The following ALDH3A1 variants were observed in gnomAD, a reference collection of about 807,000 sequenced individuals.
ALDH3A1 encodes the protein aldehyde dehydrogenase, dimeric NADP-preferring.
Under a neutral mutation model 49.9 loss-of-function variants are expected in ALDH3A1, and 46 were observed. That is an observed-to-expected ratio of 0.92 (90% CI 0.73 to 1.18). The LOEUF is 1.18. ALDH3A1 is among the 50% of genes most tolerant of loss of function. The probability of loss-of-function intolerance (pLI) is 0.00; values close to 1 mark genes in which losing one functional copy is unlikely to be tolerated. For synonymous variants in ALDH3A1, 269 were observed against 253.3 expected (o/e 1.06, Z -0.59); for missense variants, 592 against 611.8 (o/e 0.97, Z 0.34).
intron 8 of ALDH3A1, 110 bp downstream of exon 8, chr17:19,739,398 C>G (rs373400343): frequency 7.7e-7 from 1 of 1,301,264 alleles, no homozygotes; most frequent in Non-Finnish European, 1.1e-6. Flanking sequence ...TCAGAAAGAT[C>G]CAGTGACTTG....
At position 19,742,562 on chromosome 17, in the gene ALDH3A1, G is replaced by A. The variant is rs1343036554; in HGVS notation, c.463C>T (p.Pro155Ser). ...NMASLLATII[P>S]QYLDKDLYPV... is the part of the protein sequence containing the mutation. The stretch of plus-strand genomic sequence containing the variant: ...CAACTCACCTTGTCCAGGTACTGGG[G>A]GATGATGGTAGCCAGCAGGCTCGCC... Residue 155 changes from proline (P) to serine (S), a missense_variant, in exon 4 of 11, where the codon CCC (proline) becomes TCC (serine). Transcript: ENST00000225740. 3.7e-6 allele frequency: 6 copies of A among 1,613,772 alleles called. No homozygotes were observed. Among genetic ancestry groups the A allele is most frequent in the Admixed American group, 3.3e-5 (2 of 60,012 alleles).
chr17:19,744,900 A>ACCCCCCCCCCCCC lies in ALDH3A1; in HGVS notation c.162+67_162+68insGGGGGGGGGGGGG. On this transcript the variant is annotated intron_variant, in intron 2 of 10. Coordinates refer to ENST00000225740, the MANE Select transcript of ALDH3A1 (RefSeq NM_000691.5). ...AACCTCTCTGGGTCGCACTCTCCCC[A>ACCCCCCCCCCCCC]GCCCCTCCCCCCACGCCCCATCGCA... 1.8e-5 allele frequency: 5 copies of ACCCCCCCCCCCCC among 270,616 alleles called. 1 individual carries two copies. Among genetic ancestry groups the ACCCCCCCCCCCCC allele is most frequent in the South Asian group, 1.3e-4 (3 of 22,258 alleles). 16.8% of individuals were successfully genotyped at this position (270,616 alleles called of 1,614,324 possible).
chr17:19,739,692 C>T lies in ALDH3A1; in HGVS notation c.950-18G>A, dbSNP rs1042244249. 3 of 1,612,838 alleles carry T rather than the reference C, an allele frequency of 1.9e-6. No homozygotes were observed. Among genetic ancestry groups the T allele is most frequent in the African/African-American group, 2.7e-5 (2 of 75,008 alleles). On this transcript the variant is annotated intron_variant, in intron 7 of 10. Coordinates refer to ENST00000225740, the MANE Select transcript of ALDH3A1 (RefSeq NM_000691.5). The stretch of plus-strand genomic sequence containing the variant: ...GGTGGGGGCTGAGGCAGGAAACAAG[C>T]CAGAGTTGGACGGCGCAGAGACCCC...
At position 19,741,167 on chromosome 17, in the gene ALDH3A1, C is replaced by T. The variant is rs576269061; in HGVS notation, c.733G>A (p.Val245Met). The change falls in exon 6 of 11, where the codon GTG becomes ATG. Residue 245 changes from valine to methionine, a missense_variant. Coordinates refer to ENST00000225740, the MANE Select transcript of ALDH3A1 (RefSeq NM_000691.5). The part of the protein sequence containing the change: ...GKFMNSGQTC[V>M]APDYILCDPS... ...TCACAGAGGATGTAGTCAGGGGCCA[C>T]GCAGGTCTGGCCACTGTTCATGAAT... is the stretch of plus-strand genomic sequence containing the variant. 66 of 1,614,040 alleles carry T rather than the reference C, an allele frequency of 4.1e-5. No individual in the cohort carries two copies. The highest frequency in any genetic ancestry group is 6.7e-5 in the African/African-American group (5 of 75,038).
chr17:19,742,643 C>T lies in ALDH3A1; in HGVS notation c.395-13G>A, dbSNP rs370024697. The T allele has an allele frequency of 1.2e-6, 2 of 1,613,724 alleles. No individual in the cohort carries two copies. The highest frequency in any genetic ancestry group is 2.7e-5 in the African/African-American group (2 of 74,936). On this transcript the variant is annotated splice_polypyrimidine_tract_variant and intron_variant, in intron 3 of 10. Coordinates refer to ENST00000225740, the MANE Select transcript of ALDH3A1 (RefSeq NM_000691.5). ...ACCACTGAGTTCCCTGCAGAGCACA[C>T]CGAGCCAGGCCTATGCCCAGGGTAC...
Position 19,744,998 on chromosome 17 carries a change from C to A in ALDH3A1, c.132G>T (p.Leu44=). ...GCAGGTCTGCGGCCAGCGCGCCCACCAGCTCCTGCTCCTGCTCCTGGATCA... is the reference window on the plus strand; with the variant it reads ...GCAGGTCTGCGGCCAGCGCGCCCACAAGCTCCTGCTCCTGCTCCTGGATCA... ...QRLIQEQEQE[L]VGALAADLHK... is the part of the protein sequence containing the mutation. Residue 44 remains leucine (L), a synonymous_variant, in exon 2 of 11, where the codon CTG becomes CTT. Transcript: ENST00000225740. 1.3e-6 allele frequency: 2 copies of A among 1,588,720 alleles called. No homozygotes were observed. The highest frequency in any genetic ancestry group is 1.7e-6 in the Non-Finnish European group (2 of 1,175,952).
chr17:19,741,024 G>GTC, intron 6 of ALDH3A1, 69 bp downstream of exon 6: 1 of 1,192,278 alleles, frequency 8.4e-7, no homozygotes, highest in Non-Finnish European at 1.2e-6. Flanking sequence ...GTAGAAGTTG[G>GTC]TTAAGGGGCC....
Position 19,744,982 on chromosome 17 carries a change from C to T in ALDH3A1, c.148G>A (p.Ala50Thr). ...QEQELVGALA[A>T]DLHKNEWNAY... is the part of the protein sequence containing the mutation. Reference sequence around the variant, plus strand: ...AGCCTGAGCACCTTGTGCAGGTCTGCGGCCAGCGCGCCCACCAGCTCCTGC... The same window carrying T: ...AGCCTGAGCACCTTGTGCAGGTCTGTGGCCAGCGCGCCCACCAGCTCCTGC... The change falls in exon 2 of 11, where the codon GCA becomes ACA. Residue 50 changes from alanine to threonine, a missense_variant. Physicochemically the swap from Ala to Thr is moderately conservative, Grantham distance 58. Coordinates refer to ENST00000225740, the MANE Select transcript of ALDH3A1 (RefSeq NM_000691.5). 1 of 1,459,518 alleles carries T rather than the reference C, an allele frequency of 6.9e-7. No homozygotes were observed. Among genetic ancestry groups the T allele is most frequent in the African/African-American group, 1.5e-5 (1 of 68,606 alleles). The allele number at this position is 1,459,518 out of a possible 1,614,324, so 90.4% of individuals were successfully genotyped here.
Position 19,742,783 on chromosome 17 carries a change from A to T in ALDH3A1, c.395-153T>A, listed in dbSNP as rs375698521. 128 of 1,537,198 alleles carry T rather than the reference A, an allele frequency of 8.3e-5. 2 individuals are homozygous for T. In the South Asian group the frequency reaches 1.2e-3, roughly 14 times the overall value. On this transcript the variant is annotated intron_variant, in intron 3 of 10. Coordinates refer to ENST00000225740, the MANE Select transcript of ALDH3A1 (RefSeq NM_000691.5). Reference sequence around the variant, plus strand: ...CAAACAAGCACATGTCACGGGGCACACCCAGGAGCACGCACGGGCACATGA... The same window carrying T: ...CAAACAAGCACATGTCACGGGGCACTCCCAGGAGCACGCACGGGCACATGA...
chr17:19,741,213 G>A lies in ALDH3A1; in HGVS notation c.690-3C>T. On this transcript the variant is annotated splice_region_variant and splice_polypyrimidine_tract_variant and intron_variant, in intron 5 of 10. Coordinates refer to ENST00000225740, the MANE Select transcript of ALDH3A1 (RefSeq NM_000691.5). Reference sequence around the variant, plus strand: ...TGAATTTCCCCCAGGCGATGCGTCTGTGAGAATCCCAGACTGGACTAAATC... The same window carrying A: ...TGAATTTCCCCCAGGCGATGCGTCTATGAGAATCCCAGACTGGACTAAATC... 1.9e-6 allele frequency: 3 copies of A among 1,613,074 alleles called. No individual in the cohort carries two copies. The highest frequency in any genetic ancestry group is 2.2e-5 in the East Asian group (1 of 44,866).
chr17:19,745,218 C>T, intron 1 of ALDH3A1, 84 bp from the exon 2 acceptor site: 1 of 1,382,042 alleles, frequency 7.2e-7, no homozygotes, highest in Non-Finnish European at 9.6e-7. Flanking sequence ...TAGGAAGGGA[C>T]TTCCCTGGGC....
chr17:19,741,489 C>T (rs982497747), intron 5 of ALDH3A1: 1 of 396,060 alleles, frequency 2.5e-6, no homozygotes, highest in Admixed American at 3.8e-5. Context: ...AGCCAGGTGT[C>T]ACTGCTACTC....
At chr17:19,742,346 TA>T (rs1347634278) in intron 4 of ALDH3A1, 134 bp from the exon 5 acceptor site, 15 of 1,131,076 alleles carry the variant, frequency 1.3e-5, no homozygotes, top group Non-Finnish European at 1.4e-5. Context: ...GGGGTAGCAG[TA>T]ACTGGCAGTA....
In ALDH3A1 at chr17:19,745,134, C is replaced by T. The variant is rs767114108; in HGVS notation, c.-5G>A. 4 of 1,570,424 alleles carry T rather than the reference C, an allele frequency of 2.5e-6. No homozygotes were observed. The highest frequency in any genetic ancestry group is 4.7e-5 in the East Asian group (2 of 42,602). ...GGCCTCGCTGATCTTGCTCATGGCGCCTGGGGACAGAGAGCACCTGCAGCT... is the reference window on the plus strand; with the variant it reads ...GGCCTCGCTGATCTTGCTCATGGCGTCTGGGGACAGAGAGCACCTGCAGCT... On this transcript the variant is annotated splice_region_variant and 5_prime_UTR_variant, in exon 2 of 11. Transcript: ENST00000225740.
chr17:19,744,771 CA>C, intron 2 of ALDH3A1, 196 bp downstream of exon 2: 1 of 1,372,918 alleles, frequency 7.3e-7, no homozygotes, highest in Non-Finnish European at 9.4e-7. Flanking sequence ...AGGAAAAGGC[CA>C]GAGGGCGGAA....
intron 8 of ALDH3A1, among the ~76,000 whole-genome samples, 176 bp downstream of exon 8, chr17:19,739,332 T>C (rs2086446926): frequency 1.3e-5 from 2 of 152,218 alleles, no homozygotes; most frequent in Non-Finnish European, 2.9e-5. Flanking sequence ...GGATCGCTCA[T>C]TCAGTGCCCT....
chr17:19,743,043 C>T lies in ALDH3A1; in HGVS notation c.394+189G>A. On this transcript the variant is annotated intron_variant, in intron 3 of 10. Transcript: ENST00000225740. The surrounding 1 kb of genome is among the most constrained non-coding windows in gnomAD (Gnocchi z 4.4). ...TCTCTGTATCACCAGGTGTGGACAC[C>T]TGAGCCTGACTGGACCTCAGGCACC... is the stretch of plus-strand genomic sequence containing the variant. The T allele has an allele frequency of 6.5e-7, 1 of 1,532,888 alleles. No individual in the cohort carries two copies. The highest frequency in any genetic ancestry group is 8.7e-7 in the Non-Finnish European group (1 of 1,145,586). The allele number at this position is 1,532,888 out of a possible 1,614,324, so 95.0% of individuals were successfully genotyped here. A position where few individuals can be genotyped will look rare whatever the true frequency, so the allele number is the denominator to read the frequency against.
chr17:19,747,489 G>T (rs193086040), intron 1 of ALDH3A1, among the ~76,000 whole-genome samples: 1 of 152,246 alleles, frequency 6.6e-6, no homozygotes, highest in African/African-American at 2.4e-5. Context: ...GGAAGAGCCT[G>T]GTGAGCGTGG....
Position 19,743,321 on chromosome 17 carries a change from G to T in ALDH3A1, c.305C>A (p.Ser102Ter). The change falls in exon 3 of 11, where the codon TCG becomes TAG. Residue 102 changes from serine (S) to a stop codon, truncating the protein, a stop_gained. Transcript: ENST00000225740. LOFTEE classifies it high-confidence loss of function. The surrounding 1 kb of genome is among the most constrained non-coding windows in gnomAD (Gnocchi z 4.4). ...GACGAGGACCACGCCCAGTGGCTCC[G>T]AGTGGATGTAGAGCTCGTCCTGCTG... The part of the protein sequence containing the change: ...QTQQDELYIH[S>*]EPLGVVLVIG... The T allele has an allele frequency of 6.2e-7, 1 of 1,614,174 alleles. No individual in the cohort carries two copies. Among genetic ancestry groups the T allele is most frequent in the South Asian group, 1.1e-5 (1 of 91,086 alleles).
Sources: allele counts gnomAD v4.1 joint callset (sites outside exome capture counted in the v4.1 genomes callset), GRCh38; gene constraint gnomAD v4.1.1; non-coding constraint Gnocchi (gnomAD v3.1); transcripts MANE v1.5; gene names NCBI Gene and HGNC (gene_info 2026-07-23, HGNC 2026-07-21).